Variants in ZFP64 observed in about 807,000 individuals in gnomAD.
The protein encoded by ZFP64 is ZFP64 zinc finger protein, also known as zinc finger protein 64.
Under a neutral mutation model 51.6 loss-of-function variants are expected in ZFP64, and 14 were observed. The observed-to-expected ratio is 0.27, with a 90% CI of 0.18 to 0.42. The LOEUF (loss-of-function observed/expected upper bound fraction) is 0.42, where lower values mean the gene tolerates loss of function less well. Among genes scored for constraint, ZFP64 ranks in the 10% least tolerant of loss-of-function variants. The pLI is 1.00. For synonymous variants in ZFP64, 375 were observed against 361.4 expected (o/e 1.04, Z -0.43); for missense variants, 754 against 906.8 (o/e 0.83, Z 2.16).
At chr20:52,088,173 T>C in intron 8 of ZFP64, 1 of 677,026 alleles carries the variant, frequency 1.5e-6, no homozygotes, top group African/African-American at 1.8e-5. Context: ...AGCTGGATTC[T>C]ATATAGTCAA....
chr20:52,088,104 T>TA (rs1230488996), intron 8 of ZFP64, among the ~76,000 whole-genome samples: 3 of 152,210 alleles, frequency 2.0e-5, no homozygotes, highest in African/African-American at 7.2e-5. Context: ...ATCTAGTTTA[T>TA]AGGTCTGACT....
intron 2 of ZFP64, among the ~76,000 whole-genome samples, chr20:52,180,547 C>CAAAAAAAA (rs10669415): frequency 1.6e-4 from 14 of 87,168 alleles, no homozygotes; most frequent in Non-Finnish European, 1.9e-4. Flanking sequence ...CCAGAAATGG[C>CAAAAAAAA]AAAAAAAAAA....
chr20:52,160,495 T>A lies in ZFP64; in HGVS notation c.512-121A>T. The A allele has an allele frequency of 7.5e-7, 1 of 1,334,926 alleles. No homozygotes were observed. Among genetic ancestry groups the A allele is most frequent in the Non-Finnish European group, 1.0e-6 (1 of 995,862 alleles). 82.7% of individuals were successfully genotyped at this position (1,334,926 alleles called of 1,614,324 possible). A position where few individuals can be genotyped will look rare whatever the true frequency, so the allele number is the denominator to read the frequency against. On this transcript the variant is annotated intron_variant, in intron 4 of 5. Transcript: ENST00000216923. The surrounding 1 kb of genome is among the most constrained non-coding windows in gnomAD (Gnocchi z 4.2). ...CCACCGAAGAATATTCCAAAAACCC[T>A]AAAACACTGGGTGGATGATTGGCAA...
intron 5 of ZFP64, among the ~76,000 whole-genome samples, chr20:52,115,196 T>C (rs536809872): frequency 7.3e-5 from 3 of 40,822 alleles, no homozygotes; most frequent in Non-Finnish European, 1.7e-4. Context: ...AGAGTGAGTC[T>C]CAAAAAAAAA....
chr20:52,185,305 T>C (rs1568707888), intron 2 of ZFP64, among the ~76,000 whole-genome samples: 1 of 152,310 alleles, frequency 6.6e-6, no homozygotes, highest in East Asian at 1.9e-4. Flanking sequence ...ATTACAGGCA[T>C]GAGCCACCGT....
intron 5 of ZFP64, among the ~76,000 whole-genome samples, chr20:52,119,574 A>G (rs1362110105): frequency 3.2e-5 from 3 of 95,158 alleles, no homozygotes; most frequent in African/African-American, 8.3e-5. Context: ...ATATACACAC[A>G]CAACACACAC....
intron 5 of ZFP64, among the ~76,000 whole-genome samples, chr20:52,131,649 G>A (rs1240272756): frequency 1.3e-5 from 2 of 152,090 alleles, no homozygotes; most frequent in Admixed American, 6.6e-5. Flanking sequence ...TTATAAAGGG[G>A]TGAATTCAGC....
At chr20:52,136,486 A>T (rs1380041286) in intron 5 of ZFP64, among the ~76,000 whole-genome samples, 2 of 152,230 alleles carry the variant, frequency 1.3e-5, no homozygotes, top group African/African-American at 4.8e-5. Flanking sequence ...TTGCTATAAC[A>T]ATACAACTTG....
intron 7 of ZFP64, among the ~76,000 whole-genome samples, chr20:52,096,352 G>A (rs1373586553): frequency 6.6e-6 from 1 of 152,238 alleles, no homozygotes; most frequent in Non-Finnish European, 1.5e-5. Context: ...GCTAAGCGAT[G>A]CAGAGAACTA....
At chr20:52,101,328 G>A (rs764794392) in intron 5 of ZFP64, among the ~76,000 whole-genome samples, 2 of 152,268 alleles carry the variant, frequency 1.3e-5, no homozygotes, top group African/African-American at 4.8e-5. Context: ...AGGGGCAGGA[G>A]GAGGGGTGGT....
At chr20:52,102,212 T>C (rs917764798) in intron 5 of ZFP64, among the ~76,000 whole-genome samples, 1 of 151,734 alleles carries the variant, frequency 6.6e-6, no homozygotes, top group Admixed American at 6.6e-5. Flanking sequence ...CACAGCACAT[T>C]ACAATTTGAG....
intron 2 of ZFP64, among the ~76,000 whole-genome samples, chr20:52,172,559 G>T (rs796974492): frequency 2.0e-5 from 3 of 152,218 alleles, no homozygotes; most frequent in African/African-American, 7.2e-5. Context: ...AGAAGAAGGT[G>T]AAACGCCCCA....
At chr20:52,144,578 C>CAAAAAAA (rs1156545584) in intron 5 of ZFP64, among the ~76,000 whole-genome samples, 278 of 23,314 alleles carry the variant, frequency 0.012, 63 homozygotes, top group African/African-American at 0.036. Flanking sequence ...GACTCCGTCT[C>CAAAAAAA]AAAAAAAAAA....
intron 5 of ZFP64, among the ~76,000 whole-genome samples, chr20:52,130,576 A>G (rs981484789): frequency 3.3e-5 from 5 of 152,028 alleles, no homozygotes; most frequent in African/African-American, 1.2e-4. Context: ...GGTCACGATC[A>G]TTTCCTTTTT....
intron 2 of ZFP64, among the ~76,000 whole-genome samples, chr20:52,185,385 G>A (rs182311761): frequency 1.3e-5 from 2 of 152,238 alleles, no homozygotes; most frequent in African/African-American, 4.8e-5. Flanking sequence ...ATGTCTTTAT[G>A]TATATTTTAA....
intron 5 of ZFP64, among the ~76,000 whole-genome samples, chr20:52,158,106 T>G (rs1981473871): frequency 6.6e-6 from 1 of 152,166 alleles, no homozygotes; most frequent in African/African-American, 2.4e-5. Flanking sequence ...TCTTTGCTAT[T>G]GTGAATACTG....
chr20:52,147,077 T>C (rs1242184342), downstream of ZFP64, among the ~76,000 whole-genome samples: 2 of 152,250 alleles, frequency 1.3e-5, no homozygotes, highest in Non-Finnish European at 2.9e-5. Flanking sequence ...TGCATCAGTA[T>C]TTTATATGAA....
chr20:52,134,040 A>G (rs201834535), intron 5 of ZFP64, among the ~76,000 whole-genome samples: 43,919 of 147,750 alleles, frequency 0.3, 6,995 homozygotes, highest in Non-Finnish European at 0.34. Context: ...AAAAAAAAAA[A>G]AAAAAAAAAA....
chr20:52,108,922 G>A (rs1037160539), intron 5 of ZFP64, among the ~76,000 whole-genome samples: 4 of 149,736 alleles, frequency 2.7e-5, no homozygotes, highest in Admixed American at 2.0e-4. Flanking sequence ...AGGGTCTACA[G>A]ATATAAATGA....
Sources: allele counts gnomAD v4.1 joint callset (sites outside exome capture counted in the v4.1 genomes callset), GRCh38; gene constraint gnomAD v4.1.1; non-coding constraint Gnocchi (gnomAD v3.1); transcripts MANE v1.5; gene names NCBI Gene and HGNC (gene_info 2026-07-23, HGNC 2026-07-21).